Variants in RORA observed in about 807,000 individuals in gnomAD.
The protein encoded by RORA is nuclear receptor ROR-alpha.
In RORA, 7 loss-of-function variants were observed where a neutral mutation model predicts 69.5. That is an observed-to-expected ratio of 0.10 (90% CI 0.06 to 0.19). The LOEUF (loss-of-function observed/expected upper bound fraction) is 0.19, where lower values mean the gene tolerates loss of function less well. RORA is among the 10% of genes least tolerant of loss of function. The pLI, the probability that RORA is intolerant of heterozygous loss-of-function variation, is 1.00. For missense variants in RORA, 457 were observed against 663.0 expected (o/e 0.69, Z 3.41); for synonymous variants, 261 against 240.8 (o/e 1.08, Z -0.78).
chr15:60,752,886 G>A (rs1230304991), intron 1 of RORA, among the ~76,000 whole-genome samples: 2 of 152,100 alleles, frequency 1.3e-5, no homozygotes, highest in African/African-American at 2.4e-5. Flanking sequence ...TTTTCCTGGG[G>A]CTATGTCCAG....
chr15:61,107,438 T>A (rs2078962092), intron 1 of RORA, among the ~76,000 whole-genome samples: 1 of 152,176 alleles, frequency 6.6e-6, no homozygotes, highest in Non-Finnish European at 1.5e-5. Flanking sequence ...AAATTATTCC[T>A]CACCTTGGGC....
Position 60,626,989 on chromosome 15 carries a change from C to T in RORA, c.196+51668G>A, listed in dbSNP as rs532494735. On this transcript the variant is annotated intron_variant, in intron 2 of 10. Coordinates refer to ENST00000335670, the MANE Select transcript of RORA (RefSeq NM_134261.3). ...CCCAAGAGAGGACTTGAGAGATCAC[C>T]CTTCTGTTGGAGGCCAGCCACTTCA... is the stretch of plus-strand genomic sequence containing the variant. Among the ~76,000 whole-genome samples the T allele has an allele frequency of 1.0e-3, 158 of 152,318 alleles. 2 individuals carry two copies. The highest frequency in any genetic ancestry group is 3.6e-3 in the African/African-American group (151 of 41,560).
intron 1 of RORA, among the ~76,000 whole-genome samples, chr15:61,218,674 T>TCACAAA (rs1555421367): frequency 1.4e-5 from 2 of 142,840 alleles, no homozygotes; most frequent in Non-Finnish European, 3.1e-5. Context: ...CTAATATAAC[T>TCACAAA]CACACACACA....
At chr15:60,522,381 G>A (rs999182520) in intron 3 of RORA, among the ~76,000 whole-genome samples, 1 of 152,196 alleles carries the variant, frequency 6.6e-6, no homozygotes, top group African/African-American at 2.4e-5. Flanking sequence ...TTACAGATCA[G>A]GGTTTGATTT....
chr15:61,030,592 C>T (rs1409172401), intron 1 of RORA, among the ~76,000 whole-genome samples: 1 of 152,124 alleles, frequency 6.6e-6, no homozygotes, highest in African/African-American at 2.4e-5. Flanking sequence ...AAATTTAAAA[C>T]AGTTGTCATG....
intron 1 of RORA, among the ~76,000 whole-genome samples, chr15:61,185,101 G>A (rs748962534): frequency 6.6e-6 from 1 of 152,002 alleles, no homozygotes. Context: ...ACATGCAGGC[G>A]TTACCTGGAA....
At chr15:60,734,965 A>T (rs1355642112) in intron 1 of RORA, among the ~76,000 whole-genome samples, 2 of 152,230 alleles carry the variant, frequency 1.3e-5, no homozygotes, top group Non-Finnish European at 2.9e-5. Context: ...AACCATGGGC[A>T]GCACAGTTGG....
chr15:61,049,624 A>G (rs1180700538), intron 1 of RORA, among the ~76,000 whole-genome samples: 1 of 152,124 alleles, frequency 6.6e-6, no homozygotes. Context: ...GGGAAACTAT[A>G]GGTCAGACAA....
chr15:60,826,743 C>G (rs79461618), intron 1 of RORA, among the ~76,000 whole-genome samples: 7,764 of 85,554 alleles, frequency 0.091, 263 homozygotes, highest in Admixed American at 0.15. Flanking sequence ...TCTACCTGCT[C>G]TCTCTCTCTC....
intron 2 of RORA, chr15:60,614,856 T>G: frequency 6.4e-7 from 1 of 1,563,932 alleles, no homozygotes; most frequent in African/African-American, 1.4e-5. Flanking sequence ...TACATACATA[T>G]AGCTGCCTGG....
chr15:61,101,961 G>C (rs1027303437), intron 1 of RORA, among the ~76,000 whole-genome samples: 2 of 152,038 alleles, frequency 1.3e-5, no homozygotes, highest in African/African-American at 4.8e-5. Context: ...AGCTAACCTG[G>C]AATACCTAGC....
At chr15:60,668,061 TAG>T (rs1185720398) in intron 2 of RORA, among the ~76,000 whole-genome samples, 1 of 152,160 alleles carries the variant, frequency 6.6e-6, no homozygotes, top group African/African-American at 2.4e-5. Flanking sequence ...ATTGTTTTGA[TAG>T]AGTCAGGGGC....
intron 1 of RORA, among the ~76,000 whole-genome samples, chr15:60,945,925 T>G (rs979039244): frequency 6.6e-6 from 1 of 152,180 alleles, no homozygotes; most frequent in African/African-American, 2.4e-5. Flanking sequence ...ATGATGCTCA[T>G]AAGTTCTCCC....
At chr15:60,693,757 A>G (rs147238818) in intron 1 of RORA, among the ~76,000 whole-genome samples, 20 of 152,340 alleles carry the variant, frequency 1.3e-4, no homozygotes, top group African/African-American at 4.6e-4. Context: ...GGCCTCTTCA[A>G]GGAGAACTAC....
intron 1 of RORA, among the ~76,000 whole-genome samples, chr15:60,948,927 G>C (rs145814723): frequency 2.0e-5 from 3 of 152,226 alleles, no homozygotes; most frequent in African/African-American, 4.8e-5. Context: ...AATTGTCAAG[G>C]AGTTGTTCCA....
chr15:60,747,129 T>A (rs1055977637), intron 1 of RORA, among the ~76,000 whole-genome samples: 2 of 151,798 alleles, frequency 1.3e-5, no homozygotes, highest in Non-Finnish European at 3.0e-5. Context: ...CTCAATCTCT[T>A]CTCTAAGAAA....
intron 1 of RORA, among the ~76,000 whole-genome samples, chr15:61,062,030 T>C (rs554185385): frequency 6.6e-6 from 1 of 152,168 alleles, no homozygotes; most frequent in Non-Finnish European, 1.5e-5. Context: ...GCCACTGCAC[T>C]CTAGCCTGGG....
At chr15:60,842,173 G>T (rs141209407) in intron 1 of RORA, among the ~76,000 whole-genome samples, 14 of 151,940 alleles carry the variant, frequency 9.2e-5, no homozygotes, top group African/African-American at 3.4e-4. Flanking sequence ...CAGGGCCGTC[G>T]TCCACTTTGC....
chr15:60,524,947 G>T (rs1205882521), intron 3 of RORA, among the ~76,000 whole-genome samples: 1 of 152,126 alleles, frequency 6.6e-6, no homozygotes, highest in Non-Finnish European at 1.5e-5. Flanking sequence ...TAAGGGGAGG[G>T]CCCAGGATTT....
Sources: gnomAD v4.1 joint callset for allele counts (sites outside exome capture counted in the v4.1 genomes callset) on GRCh38, gnomAD v4.1.1 for gene constraint, MANE v1.5 for transcripts, NCBI Gene and HGNC (gene_info 2026-07-23, HGNC 2026-07-21) for gene names.